GALNT10: variants seen among roughly 807,000 people sequenced by gnomAD.
GALNT10 encodes the protein polypeptide N-acetylgalactosaminyltransferase 10.
GALNT10 carries 41 observed loss-of-function variants against 75.0 expected under a neutral mutation model. The ratio of observed to expected loss-of-function variants is 0.55; its 90% CI spans 0.43 to 0.71. The LOEUF is 0.71. GALNT10 is among the 30% of genes least tolerant of loss of function. The pLI, the probability that GALNT10 is intolerant of heterozygous loss-of-function variation, is 0.00. For synonymous variants in GALNT10, 302 were observed against 313.0 expected (o/e 0.96, Z 0.37); for missense variants, 727 against 818.5 (o/e 0.89, Z 1.36).
At chr5:154,247,485 A>G (rs1753447035) in intron 1 of GALNT10, among the ~76,000 whole-genome samples, 1 of 152,012 alleles carries the variant, frequency 6.6e-6, no homozygotes, top group South Asian at 2.1e-4. Context: ...CTTTTATTTC[A>G]TTGAGCAGTC....
chr5:154,353,036 A>G (rs530728289), intron 4 of GALNT10, among the ~76,000 whole-genome samples: 27 of 152,216 alleles, frequency 1.8e-4, no homozygotes, highest in Middle Eastern at 3.4e-3. Flanking sequence ...CCCCAAGTCC[A>G]GAAGAGTTTG....
intron 10 of GALNT10, among the ~76,000 whole-genome samples, chr5:154,415,511 G>C (rs1394919065): frequency 6.6e-6 from 1 of 152,022 alleles, no homozygotes; most frequent in Admixed American, 6.6e-5. Context: ...GCTAATCTTT[G>C]TATTTTTAGT....
At chr5:154,321,965 A>T (rs558276130) in intron 3 of GALNT10, among the ~76,000 whole-genome samples, 62 of 152,282 alleles carry the variant, frequency 4.1e-4, no homozygotes, top group African/African-American at 1.5e-3. Context: ...TAATGTTTAC[A>T]CCCTGGGCAA....
At chr5:154,339,268 C>T (rs1458748738) in intron 4 of GALNT10, among the ~76,000 whole-genome samples, 1 of 152,216 alleles carries the variant, frequency 6.6e-6, no homozygotes, top group Non-Finnish European at 1.5e-5. Flanking sequence ...GTATCAGTCT[C>T]CAGGGTGCCT....
intron 1 of GALNT10, among the ~76,000 whole-genome samples, chr5:154,204,057 A>C (rs1010706511): frequency 2.6e-5 from 4 of 152,176 alleles, no homozygotes; most frequent in Non-Finnish European, 5.9e-5. Context: ...ACCCCTTTCT[A>C]GTCTTTTCAT....
At chr5:154,225,958 G>A (rs1378083371) in intron 1 of GALNT10, among the ~76,000 whole-genome samples, 1 of 151,542 alleles carries the variant, frequency 6.6e-6, no homozygotes. Context: ...ACAGGAAGGG[G>A]AACATCACAC....
chr5:154,238,499 T>C (rs539218456), intron 1 of GALNT10, among the ~76,000 whole-genome samples: 1 of 152,180 alleles, frequency 6.6e-6, no homozygotes, highest in Non-Finnish European at 1.5e-5. Flanking sequence ...TTAAGTGTTA[T>C]TTCTCCCCAC....
chr5:154,319,541 TC>T (rs1207253059), intron 3 of GALNT10, among the ~76,000 whole-genome samples: 1 of 152,214 alleles, frequency 6.6e-6, no homozygotes, highest in East Asian at 1.9e-4. Context: ...ACTCTCTGCT[TC>T]ATCTCCCTCA....
intron 1 of GALNT10, among the ~76,000 whole-genome samples, chr5:154,268,436 T>C (rs1363564067): frequency 6.6e-6 from 1 of 151,984 alleles, no homozygotes; most frequent in Non-Finnish European, 1.5e-5. Context: ...ACTTTCAGGC[T>C]CTCACCCAGA....
rs1756516817 is a variant in GALNT10, at chr5:154,416,618, C to T, written c.1654-196C>T. Among the ~76,000 whole-genome samples, 3 of 151,970 alleles carry T rather than the reference C, an allele frequency of 2.0e-5. No homozygotes were observed. The highest frequency in any genetic ancestry group is 6.6e-5 in the Admixed American group (1 of 15,258). ...CTGGCCACATCCCAGCGGGCAGAAC[C>T]CAGTCCCACGGCAATACCAGCTGCA... On this transcript the variant is annotated intron_variant, in intron 11 of 11. Transcript: ENST00000297107. The surrounding 1 kb of genome is among the most constrained non-coding windows in gnomAD (Gnocchi z 4.5).
chr5:154,359,072 G>A (rs1041705464), intron 4 of GALNT10, among the ~76,000 whole-genome samples: 3 of 152,310 alleles, frequency 2.0e-5, no homozygotes, highest in African/African-American at 7.2e-5. Flanking sequence ...CAGGCCATTA[G>A]TATTTGTGTT....
chr5:154,314,612 G>A (rs539626851), intron 3 of GALNT10, among the ~76,000 whole-genome samples: 8 of 151,888 alleles, frequency 5.3e-5, no homozygotes, highest in African/African-American at 9.7e-5. Flanking sequence ...AGATGCTGGC[G>A]TCTGCCTATC....
intron 1 of GALNT10, among the ~76,000 whole-genome samples, chr5:154,278,389 G>T (rs1452651222): frequency 6.6e-6 from 1 of 152,118 alleles, no homozygotes; most frequent in Non-Finnish European, 1.5e-5. Flanking sequence ...GTGAAATGCT[G>T]GATTAAACAA....
chr5:154,404,709 G>A (rs1286829089), intron 8 of GALNT10, among the ~76,000 whole-genome samples: 1 of 152,226 alleles, frequency 6.6e-6, no homozygotes, highest in Non-Finnish European at 1.5e-5. Context: ...AAACATGTTA[G>A]ATAAATATTA....
chr5:154,208,723 A>G (rs1775147975), intron 1 of GALNT10, among the ~76,000 whole-genome samples: 1 of 152,230 alleles, frequency 6.6e-6, no homozygotes, highest in Non-Finnish European at 1.5e-5. Context: ...CAGAGAAACC[A>G]CACAGTGATT....
intron 1 of GALNT10, among the ~76,000 whole-genome samples, chr5:154,212,946 C>A (rs867939960): frequency 6.4e-5 from 9 of 140,132 alleles, no homozygotes; most frequent in Middle Eastern, 8.4e-3. Context: ...CCAGCCTGGG[C>A]GACAGAGTGA....
chr5:154,275,923 CAGTG>C (rs1753944664), intron 1 of GALNT10, among the ~76,000 whole-genome samples: 1 of 152,190 alleles, frequency 6.6e-6, no homozygotes, highest in Non-Finnish European at 1.5e-5. Context: ...TTCCATCTCT[CAGTG>C]AGCTTGTGGA....
chr5:154,201,068 C>T (rs1442389583), intron 1 of GALNT10, among the ~76,000 whole-genome samples: 2 of 152,088 alleles, frequency 1.3e-5, no homozygotes, highest in African/African-American at 4.8e-5. Context: ...GATGTGGGAA[C>T]AGCTGTCTCC....
At chr5:154,307,622 G>GA (rs368835213) in intron 3 of GALNT10, among the ~76,000 whole-genome samples, 10,455 of 125,016 alleles carry the variant, frequency 0.084, 435 homozygotes, top group Middle Eastern at 0.12. Context: ...TCCATCTCAA[G>GA]AAAAAAAAAA....
Sources: gnomAD v4.1 joint callset for allele counts (sites outside exome capture counted in the v4.1 genomes callset) on GRCh38, gnomAD v4.1.1 for gene constraint, Gnocchi (gnomAD v3.1) non-coding constraint, MANE v1.5 for transcripts, NCBI Gene and HGNC (gene_info 2026-07-23, HGNC 2026-07-21) for gene names.